CEP126: variants seen among roughly 807,000 people sequenced by gnomAD.
The protein encoded by CEP126 is centrosomal protein of 126 kDa.
A neutral mutation model predicts 107.8 loss-of-function variants in CEP126; 74 were observed. The observed-to-expected ratio is 0.69, with a 90% CI of 0.57 to 0.83. The LOEUF is 0.83. Ranked by LOEUF, CEP126 falls within the 40% of genes least tolerant of loss-of-function variation. The pLI, the probability that CEP126 is intolerant of heterozygous loss-of-function variation, is 0.00. For missense variants in CEP126, 1,237 were observed against 1,281.9 expected (o/e 0.96, Z 0.53); for synonymous variants, 449 against 446.0 (o/e 1.01, Z -0.08).
At chr11:101,934,985 C>T (rs1207450285) in intron 2 of CEP126, among the ~76,000 whole-genome samples, 6 of 152,044 alleles carry the variant, frequency 3.9e-5, no homozygotes, top group African/African-American at 1.4e-4. Context: ...AACAGTTTTC[C>T]AAAAGGGCTG....
chr11:101,995,794 T>C (rs1941435205), intron 10 of CEP126, among the ~76,000 whole-genome samples: 1 of 152,260 alleles, frequency 6.6e-6, no homozygotes, highest in Admixed American at 6.5e-5. Context: ...TGAAATACTT[T>C]CATGTCTCTG....
chr11:101,988,412 G>T (rs978530970), intron 9 of CEP126, among the ~76,000 whole-genome samples: 2 of 152,020 alleles, frequency 1.3e-5, no homozygotes, highest in Non-Finnish European at 2.9e-5. Context: ...GAGCTTAAAA[G>T]ACACAAAAGA....
chr11:101,940,771 C>G (rs1025907100), intron 2 of CEP126, among the ~76,000 whole-genome samples: 2 of 152,194 alleles, frequency 1.3e-5, no homozygotes, highest in African/African-American at 4.8e-5. Flanking sequence ...ATGGTGATCT[C>G]AAAGTCACTG....
intron 1 of CEP126, 84 bp from the exon 2 acceptor site, chr11:101,922,557 G>A (rs1196198770): frequency 9.9e-7 from 1 of 1,010,316 alleles, no homozygotes; most frequent in Non-Finnish European, 1.5e-6. Context: ...ATTTGCATGA[G>A]GCTGTAGTTA....
At position 101,962,216 on chromosome 11, in the gene CEP126, C is replaced by T; in HGVS notation, c.1181C>T (p.Thr394Ile). Residue 394 changes from threonine (T) to isoleucine (I), a missense_variant, in exon 6 of 11, where the codon ACA (threonine) becomes ATA (isoleucine). Physicochemically the swap from Thr to Ile is moderately conservative, Grantham distance 89 (BLOSUM62 -1). Coordinates refer to ENST00000263468, the MANE Select transcript of CEP126 (RefSeq NM_020802.4). ...ACCTCTGAAACTAGCACTATGAGGACAACTGACTCCACTTCTGGAGCATTC... is the reference window on the plus strand; with the variant it reads ...ACCTCTGAAACTAGCACTATGAGGATAACTGACTCCACTTCTGGAGCATTC... Reference protein sequence around the residue: ...EKTSETSTMRTTDSTSGAFKR... With the variant: ...EKTSETSTMRITDSTSGAFKR... The T allele has an allele frequency of 6.2e-7, 1 of 1,613,942 alleles. No homozygotes were observed. The highest frequency in any genetic ancestry group is 8.5e-7 in the Non-Finnish European group (1 of 1,179,878).
At chr11:101,958,742 T>G (rs1338854676) in intron 5 of CEP126, among the ~76,000 whole-genome samples, 1 of 152,220 alleles carries the variant, frequency 6.6e-6, no homozygotes, top group East Asian at 1.9e-4. Flanking sequence ...TATCAGCTGA[T>G]TTTCCTACAT....
intron 4 of CEP126, among the ~76,000 whole-genome samples, chr11:101,953,610 A>G (rs1320655509): frequency 6.6e-6 from 1 of 151,970 alleles, no homozygotes; most frequent in Non-Finnish European, 1.5e-5. Context: ...GGGAAATGTG[A>G]TGATGCGGAA....
At chr11:101,982,980 T>G (rs1178936944) in intron 8 of CEP126, among the ~76,000 whole-genome samples, 4 of 152,170 alleles carry the variant, frequency 2.6e-5, no homozygotes, top group African/African-American at 2.4e-5. Flanking sequence ...ATCTTTCCCA[T>G]GCACACCCAG....
chr11:101,931,702 C>T (rs369935232), intron 2 of CEP126, among the ~76,000 whole-genome samples: 9 of 152,076 alleles, frequency 5.9e-5, no homozygotes, highest in African/African-American at 1.7e-4. Flanking sequence ...AATGTCGTTC[C>T]GTCCAGAAGA....
chr11:101,959,687 A>G (rs577155174), intron 5 of CEP126, among the ~76,000 whole-genome samples: 2 of 152,376 alleles, frequency 1.3e-5, no homozygotes, highest in Non-Finnish European at 1.5e-5. Flanking sequence ...AAAAATGTAC[A>G]TAAGAAAGAC....
At chr11:101,933,814 A>AC (rs150633052) in intron 2 of CEP126, among the ~76,000 whole-genome samples, 11,656 of 122,654 alleles carry the variant, frequency 0.095, 506 homozygotes, top group African/African-American at 0.13. Context: ...CACCCCCGAG[A>AC]CCCCCCCCCC....
chr11:101,959,895 C>T (rs1940949588), intron 5 of CEP126, among the ~76,000 whole-genome samples: 1 of 152,088 alleles, frequency 6.6e-6, no homozygotes, highest in Admixed American at 6.6e-5. Context: ...TGTTAGTGAC[C>T]TGTGAGACCA....
intron 1 of CEP126, among the ~76,000 whole-genome samples, chr11:101,917,828 T>C (rs980303468): frequency 3.5e-4 from 54 of 152,300 alleles, no homozygotes; most frequent in African/African-American, 1.2e-3. Context: ...ATAACTACTA[T>C]AGTCCTGCTC....
chr11:101,967,025 C>CTTTTT (rs759877416), intron 6 of CEP126, among the ~76,000 whole-genome samples: 302 of 106,982 alleles, frequency 2.8e-3, no homozygotes, highest in African/African-American at 4.8e-3. Context: ...CTCTTTCTTT[C>CTTTTT]TTTTTTTTTT....
At chr11:101,934,820 G>A (rs555738373) in intron 2 of CEP126, among the ~76,000 whole-genome samples, 19 of 152,144 alleles carry the variant, frequency 1.2e-4, no homozygotes, top group African/African-American at 4.1e-4. Flanking sequence ...AGCTGCTGGC[G>A]GAAAGATAAT....
At position 101,961,881 on chromosome 11, in the gene CEP126, C is replaced by A; in HGVS notation, c.846C>A (p.Ser282=). The part of the protein sequence containing the change: ...HSTSIQRNTI[S]LKPANMQSTN... ...CATCCATCCAGCGGAATACCATTTCCCTCAAACCAGCAAATATGCAATCAA... is the reference window on the plus strand; with the variant it reads ...CATCCATCCAGCGGAATACCATTTCACTCAAACCAGCAAATATGCAATCAA... Residue 282 remains serine (S), a synonymous_variant, in exon 6 of 11, where the codon TCC becomes TCA. Coordinates refer to ENST00000263468, the MANE Select transcript of CEP126 (RefSeq NM_020802.4). 1.2e-6 allele frequency: 2 copies of A among 1,613,126 alleles called. No homozygotes were observed. Among genetic ancestry groups the A allele is most frequent in the South Asian group, 2.2e-5 (2 of 90,928 alleles).
chr11:101,948,458 G>A (rs1398942543), intron 4 of CEP126, among the ~76,000 whole-genome samples: 2 of 152,092 alleles, frequency 1.3e-5, no homozygotes, highest in African/African-American at 4.8e-5. Context: ...TCTTTACTGA[G>A]AAGAGAAAAT....
chr11:101,982,727 T>C (rs1395227317), intron 8 of CEP126, among the ~76,000 whole-genome samples: 2 of 152,236 alleles, frequency 1.3e-5, no homozygotes, highest in Non-Finnish European at 2.9e-5. Context: ...TATTGAGAGC[T>C]AATCTTCTGC....
Position 101,915,283 on chromosome 11 carries a change from G to A in CEP126, c.-2G>A, listed in dbSNP as rs117883580. The A allele has an allele frequency of 0.06, 97,028 of 1,613,576 alleles. 3,327 individuals carry two copies. The highest frequency in any genetic ancestry group is 0.077 in the Middle Eastern group (462 of 5,978). On this transcript the variant is annotated 5_prime_UTR_variant, in exon 1 of 11. Transcript: ENST00000263468. ...AGCAGACAGGCGGCGCTGAAGTGAA[G>A]GATGCTGGCGGGGAGGCCCGGAACC... is the stretch of plus-strand genomic sequence containing the variant.
Sources: allele counts gnomAD v4.1 joint callset (sites outside exome capture counted in the v4.1 genomes callset), GRCh38; gene constraint gnomAD v4.1.1; transcripts MANE v1.5; gene names NCBI Gene and HGNC (gene_info 2026-07-23, HGNC 2026-07-21).